Variants in PARM1 observed in about 807,000 individuals in gnomAD.
PARM1 encodes the protein prostate androgen-regulated mucin-like protein 1, also known as WSC4, cell wall integrity and stress response component 4 homolog.
PARM1 carries 14 observed loss-of-function variants against 24.6 expected under a neutral mutation model. The ratio of observed to expected loss-of-function variants is 0.57; its 90% CI spans 0.38 to 0.89. The LOEUF is 0.89. Among genes scored for constraint, PARM1 ranks in the 40% least tolerant of loss-of-function variants. PARM1 has a pLI of 0.00. For missense variants in PARM1, 362 were observed against 380.4 expected, an observed-to-expected ratio of 0.95 and a Z score of 0.40; for synonymous variants, 179 against 156.6, an observed-to-expected ratio of 1.14 and a Z score of -1.07.
At chr4:74,960,886 GC>G (rs2109989171) in intron 1 of PARM1, among the ~76,000 whole-genome samples, 1 of 151,768 alleles carries the variant, frequency 6.6e-6, no homozygotes, top group South Asian at 2.1e-4. Flanking sequence ...GTGGTGGCAG[GC>G]CCCTGTAGCT....
chr4:75,017,800 A>C (rs983269778), intron 2 of PARM1, among the ~76,000 whole-genome samples: 1 of 152,242 alleles, frequency 6.6e-6, no homozygotes, highest in Non-Finnish European at 1.5e-5. Flanking sequence ...CATTTGTTGA[A>C]TACATGAATA....
intron 3 of PARM1, among the ~76,000 whole-genome samples, chr4:75,034,261 A>T (rs1183194880): frequency 1.3e-5 from 2 of 152,086 alleles, no homozygotes; most frequent in African/African-American, 4.8e-5. Context: ...AATGTACCTC[A>T]TTACCCTGGG....
intron 3 of PARM1, among the ~76,000 whole-genome samples, chr4:75,039,327 C>T (rs190184295): frequency 1.1e-4 from 16 of 152,022 alleles, no homozygotes; most frequent in Admixed American, 8.5e-4. Context: ...GTCAGGAGAT[C>T]GAGGCCATCC....
rs200035210 is a variant in PARM1 at position 74,933,278 on chromosome 4, G to C, written c.-50G>C. 2.2e-5 allele frequency: 34 copies of C among 1,569,168 alleles called. No individual in the cohort carries two copies. The East Asian group carries it at 7.5e-4, about 35-fold the overall frequency. On this transcript the variant is annotated 5_prime_UTR_variant, in exon 1 of 4. Coordinates refer to ENST00000307428, the MANE Select transcript of PARM1 (RefSeq NM_015393.4). Reference sequence around the variant, plus strand: ...AGCGCCCAGTGCGCTCTGTCAGTCCGCAAACTCCTTGCCGCCCGCCCCGGG... The same window carrying C: ...AGCGCCCAGTGCGCTCTGTCAGTCCCCAAACTCCTTGCCGCCCGCCCCGGG...
At chr4:75,046,002 C>T (rs188876083) in intron 3 of PARM1, among the ~76,000 whole-genome samples, 161 bp from the exon 4 acceptor site, 381 of 152,192 alleles carry the variant, frequency 2.5e-3, no homozygotes, top group Non-Finnish European at 2.8e-3. Context: ...TTTGGTAGAC[C>T]GGGGCCTCCA....
At chr4:74,969,548 G>A (rs1348520053) in intron 1 of PARM1, 2 of 152,230 alleles carry the variant, frequency 1.3e-5, no homozygotes, top group Admixed American at 1.3e-4. Context: ...CACATTTCAT[G>A]AGGAGAGCTA....
Position 74,978,488 on chromosome 4 carries a change from T to C in PARM1, c.44-33937T>C, listed in dbSNP as rs191469351. Among the ~76,000 whole-genome samples, 13 of 152,234 alleles carry C rather than the reference T, an allele frequency of 8.5e-5. No homozygotes were observed. The East Asian group carries it at 2.1e-3, about 25-fold the overall frequency. Reference sequence around the variant, plus strand: ...AAGTGCTTAGAGACTTACAAAGAGATTTATACTCCCACACATAATAGTGGG... The same window carrying C: ...AAGTGCTTAGAGACTTACAAAGAGACTTATACTCCCACACATAATAGTGGG... On this transcript the variant is annotated intron_variant, in intron 1 of 3. Coordinates refer to ENST00000307428, the MANE Select transcript of PARM1 (RefSeq NM_015393.4).
intron 1 of PARM1, among the ~76,000 whole-genome samples, chr4:74,998,136 G>T (rs936366543): frequency 2.6e-5 from 4 of 152,200 alleles, no homozygotes; most frequent in Non-Finnish European, 5.9e-5. Context: ...TCCCCAGTTG[G>T]CATTGCAAAC....
intron 1 of PARM1, among the ~76,000 whole-genome samples, chr4:74,963,425 A>G (rs755076413): frequency 6.6e-6 from 1 of 152,250 alleles, no homozygotes; most frequent in South Asian, 2.1e-4. Context: ...GCAGATAAAT[A>G]GATAACCAAA....
chr4:74,989,380 C>G (rs751349809), intron 1 of PARM1, among the ~76,000 whole-genome samples: 2 of 152,162 alleles, frequency 1.3e-5, no homozygotes, highest in African/African-American at 4.8e-5. Flanking sequence ...GAGCTGCCCA[C>G]AGAATCCAGG....
At chr4:74,994,836 A>ATAAG (rs1176132646) in intron 1 of PARM1, among the ~76,000 whole-genome samples, 2 of 149,622 alleles carry the variant, frequency 1.3e-5, no homozygotes, top group Admixed American at 1.3e-4. Context: ...AAATAAATAA[A>ATAAG]TGGCAATGTA....
At position 75,021,970 on chromosome 4, in the gene PARM1, T is replaced by C. The variant is rs1365200769; in HGVS notation, c.769+8820T>C. 3.9e-5 allele frequency among the ~76,000 whole-genome samples: 6 copies of C among 152,368 alleles called. No homozygotes were observed. The South Asian group carries it at 1.2e-3, about 32-fold the overall frequency. On this transcript the variant is annotated intron_variant, in intron 2 of 3. Transcript: ENST00000307428. ...AACTATTTATTTTCCTTTGGGTATA[T>C]ACTCAATAATGAGATTACTGGGTCA... is the stretch of plus-strand genomic sequence containing the variant.
chr4:75,013,173 A>C (rs2109795373), intron 2 of PARM1, 23 bp downstream of exon 2: 1 of 1,586,050 alleles, frequency 6.3e-7, no homozygotes, highest in South Asian at 1.2e-5. Context: ...CCAGTCCACT[A>C]GTTTTCTTTA....
Position 75,012,663 on chromosome 4 carries a change from T to C in PARM1, c.282T>C (p.Gly94=). 6.2e-7 allele frequency: 1 copy of C among 1,613,876 alleles called. No homozygotes were observed. The highest frequency in any genetic ancestry group is 1.1e-5 in the South Asian group (1 of 91,070). The part of the protein sequence containing the change: ...ESREEEITSP[G]SNWEGTNTDP... ...GAGAAGAGGAGATCACCAGCCCAGGTTCGAATTGGGAAGGCACAAACACAG... is the reference window on the plus strand; with the variant it reads ...GAGAAGAGGAGATCACCAGCCCAGGCTCGAATTGGGAAGGCACAAACACAG... Residue 94 remains glycine (G), a synonymous_variant, in exon 2 of 4, where the codon GGT becomes GGC. Coordinates refer to ENST00000307428, the MANE Select transcript of PARM1 (RefSeq NM_015393.4).
At chr4:74,972,900 C>T (rs1276574094) in intron 1 of PARM1, among the ~76,000 whole-genome samples, 5 of 152,174 alleles carry the variant, frequency 3.3e-5, no homozygotes, top group Admixed American at 2.6e-4. Context: ...CAAGCTGATA[C>T]AGTGTAGTGG....
chr4:74,981,286 C>T (rs1196308487), intron 1 of PARM1, among the ~76,000 whole-genome samples: 1 of 152,040 alleles, frequency 6.6e-6, no homozygotes, highest in African/African-American at 2.4e-5. Flanking sequence ...AACAACCTCA[C>T]TAAAAAGTGG....
At chr4:75,012,028 A>G (rs147956331) in intron 1 of PARM1, among the ~76,000 whole-genome samples, 76 of 152,222 alleles carry the variant, frequency 5.0e-4, no homozygotes, top group African/African-American at 1.8e-3. Context: ...CCCAATGTCC[A>G]CACTCCCATC....
chr4:75,034,048 A>T, intron 3 of PARM1, 87 bp downstream of exon 3: 1 of 1,049,006 alleles, frequency 9.5e-7, no homozygotes. Context: ...CTTGTTCCTT[A>T]ATAGGTATCT....
At chr4:75,032,958 A>C (rs1723300377) in intron 2 of PARM1, among the ~76,000 whole-genome samples, 1 of 152,216 alleles carries the variant, frequency 6.6e-6, no homozygotes, top group East Asian at 1.9e-4. Flanking sequence ...GCCATTTTTA[A>C]GGTGAAATGA....
Sources: gnomAD v4.1 joint callset for allele counts (sites outside exome capture counted in the v4.1 genomes callset) on GRCh38, gnomAD v4.1.1 for gene constraint, MANE v1.5 for transcripts, NCBI Gene and HGNC (gene_info 2026-07-23, HGNC 2026-07-21) for gene names.